The following STK32A variants were observed in gnomAD, a reference collection of about 807,000 sequenced individuals.
The protein encoded by STK32A is serine/threonine kinase 32A.
In STK32A, 41 loss-of-function variants were observed where a neutral mutation model predicts 53.2. That is an observed-to-expected ratio of 0.77 (90% confidence interval 0.60 to 1.00). The LOEUF (loss-of-function observed/expected upper bound fraction) is 1.00. STK32A is among the 50% of genes least tolerant of loss of function. The probability of loss-of-function intolerance (pLI) is 0.00; values close to 1 mark genes in which losing one functional copy is unlikely to be tolerated. For missense variants in STK32A, 458 were observed against 485.8 expected (o/e 0.94, Z 0.54); for synonymous variants, 166 against 162.8 (o/e 1.02, Z -0.15).
intron 2 of STK32A, among the ~76,000 whole-genome samples, chr5:147,244,993 CCA>C (rs1753721447): frequency 6.6e-6 from 1 of 152,134 alleles, no homozygotes; most frequent in African/African-American, 2.4e-5. Flanking sequence ...TCTGTCGATT[CCA>C]CAGTTAATTA....
intron 4 of STK32A, among the ~76,000 whole-genome samples, chr5:147,287,885 A>G (rs529678454): frequency 5.9e-5 from 9 of 151,694 alleles, no homozygotes; most frequent in African/African-American, 2.2e-4. Context: ...GGGACCCATG[A>G]TAAGGCCTTA....
In STK32A at chr5:147,343,066, A is replaced by G. The variant is rs1339418514; in HGVS notation, c.472+23A>G. Reference sequence around the variant, plus strand: ...ATGGTAAGTGAGTGATTTGTTTGCAATCAAGTACATGACATGCATGTAGAA... The same window carrying G: ...ATGGTAAGTGAGTGATTTGTTTGCAGTCAAGTACATGACATGCATGTAGAA... On this transcript the variant is annotated intron_variant, in intron 6 of 12. Coordinates refer to ENST00000397936, the MANE Select transcript of STK32A (RefSeq NM_001112724.2). 3 of 1,612,652 alleles carry G rather than the reference A, an allele frequency of 1.9e-6. No homozygotes were observed. The South Asian group carries it at 3.3e-5, about 18-fold the overall frequency.
At chr5:147,365,087 T>C (rs1756684826) in intron 8 of STK32A, among the ~76,000 whole-genome samples, 2 of 152,174 alleles carry the variant, frequency 1.3e-5, no homozygotes, top group South Asian at 4.1e-4. Flanking sequence ...AGCCCTCTTC[T>C]TTGGTCCCAC....
intron 2 of STK32A, among the ~76,000 whole-genome samples, chr5:147,254,182 C>T (rs1401616876): frequency 2.0e-5 from 3 of 152,282 alleles, no homozygotes; most frequent in South Asian, 4.1e-4. Flanking sequence ...TCTGCAACAA[C>T]CCCATTCTCA....
intron 2 of STK32A, among the ~76,000 whole-genome samples, chr5:147,273,691 G>C (rs1755141479): frequency 6.6e-6 from 1 of 152,166 alleles, no homozygotes; most frequent in South Asian, 2.1e-4. Flanking sequence ...CCACACAAAG[G>C]AGATAGAATT....
intron 2 of STK32A, among the ~76,000 whole-genome samples, chr5:147,259,755 CTT>C (rs1279775113): frequency 3.9e-5 from 6 of 152,148 alleles, no homozygotes; most frequent in African/African-American, 1.4e-4. Flanking sequence ...CTCTGCCTCT[CTT>C]TCTCTCTCTC....
At position 147,239,973 on chromosome 5, in the gene STK32A, C is replaced by T. The variant is rs184538109; in HGVS notation, c.52+287C>T. The T allele has an allele frequency of 2.8e-4, 93 of 334,448 alleles. 1 individual carries two copies. In the East Asian group the frequency reaches 3.8e-3, roughly 14 times the overall value. The allele number at this position is 334,448 out of a possible 1,614,324, so 20.7% of individuals were successfully genotyped here. On this transcript the variant is annotated intron_variant, in intron 2 of 12. Transcript: ENST00000397936. ...GATAGTTAAATGATTTGTTTGTCCT[C>T]TGTGCTGTTCCTTGGCAGTTGAAGT...
At chr5:147,363,831 T>A (rs1432600298) in intron 8 of STK32A, among the ~76,000 whole-genome samples, 1 of 152,218 alleles carries the variant, frequency 6.6e-6, no homozygotes, top group African/African-American at 2.4e-5. Context: ...TTTTGCTTAA[T>A]TATTTTTTCT....
chr5:147,263,788 G>A (rs72821798), intron 2 of STK32A, among the ~76,000 whole-genome samples: 6,012 of 152,086 alleles, frequency 0.04, 172 homozygotes, highest in Middle Eastern at 0.1. Flanking sequence ...AATGGAAGGG[G>A]GCAATAATTA....
rs1753839603 is a variant in STK32A, at chr5:147,248,252, C to CT, written c.52+8568dup. On this transcript the variant is annotated intron_variant, in intron 2 of 12. Coordinates refer to ENST00000397936, the MANE Select transcript of STK32A (RefSeq NM_001112724.2). ...TGCTCTAAGCATCTTGCAGACATTT[C>CT]TTCATATGCCCTAGGAGATTTCTGA... 2.6e-5 allele frequency among the ~76,000 whole-genome samples: 4 copies of CT among 151,918 alleles called. No individual in the cohort carries two copies. The South Asian group carries it at 8.3e-4, about 32-fold the overall frequency.
At chr5:147,337,148 G>A (rs768507678) in intron 5 of STK32A, among the ~76,000 whole-genome samples, 4 of 152,166 alleles carry the variant, frequency 2.6e-5, no homozygotes, top group Non-Finnish European at 4.4e-5. Context: ...GCCACAAGGA[G>A]CATTGTATTT....
At chr5:147,299,637 T>G (rs981145166) in intron 4 of STK32A, among the ~76,000 whole-genome samples, 1 of 152,150 alleles carries the variant, frequency 6.6e-6, no homozygotes, top group African/African-American at 2.4e-5. Flanking sequence ...AAAATATGAT[T>G]AAGTATAGCA....
chr5:147,343,788 T>G (rs1299413288), intron 6 of STK32A, among the ~76,000 whole-genome samples: 1 of 152,210 alleles, frequency 6.6e-6, no homozygotes, highest in Non-Finnish European at 1.5e-5. Context: ...TATCAAGTTT[T>G]CTGTTTAAAA....
chr5:147,282,335 G>T (rs1423522243), intron 4 of STK32A, among the ~76,000 whole-genome samples: 1 of 152,146 alleles, frequency 6.6e-6, no homozygotes, highest in Non-Finnish European at 1.5e-5. Flanking sequence ...GAAGCTGAAG[G>T]TCTGTTTGTG....
At chr5:147,240,349 AGG>A (rs1475214390) in intron 2 of STK32A, among the ~76,000 whole-genome samples, 1 of 152,152 alleles carries the variant, frequency 6.6e-6, no homozygotes, top group Non-Finnish European at 1.5e-5. Context: ...AGCTGTTTAT[AGG>A]TTGTCTGGGG....
intron 4 of STK32A, among the ~76,000 whole-genome samples, chr5:147,289,759 T>C (rs1024535851): frequency 1.3e-5 from 2 of 152,140 alleles, no homozygotes; most frequent in Admixed American, 6.6e-5. Flanking sequence ...CAATAATTCT[T>C]ATCACCTTGT....
At chr5:147,282,635 G>A (rs1386003929) in intron 4 of STK32A, among the ~76,000 whole-genome samples, 2 of 152,098 alleles carry the variant, frequency 1.3e-5, no homozygotes, top group African/African-American at 2.4e-5. Context: ...GCGAGGAGGG[G>A]TAGCTATTCT....
intron 11 of STK32A, chr5:147,375,540 T>G: frequency 4.8e-6 from 1 of 206,780 alleles, no homozygotes; most frequent in Non-Finnish European, 9.6e-6. Flanking sequence ...CAGGGGATGA[T>G]TCATAAAATT....
intron 4 of STK32A, among the ~76,000 whole-genome samples, chr5:147,281,326 G>T (rs1031890772): frequency 1.3e-5 from 2 of 152,138 alleles, no homozygotes; most frequent in African/African-American, 4.8e-5. Context: ...CCAGAGAAAG[G>T]TGAAGCTCAG....
Sources: gnomAD v4.1 joint callset for allele counts (sites outside exome capture counted in the v4.1 genomes callset) on GRCh38, gnomAD v4.1.1 for gene constraint, MANE v1.5 for transcripts, NCBI Gene and HGNC (gene_info 2026-07-23, HGNC 2026-07-21) for gene names.